Variants in EYS observed in about 807,000 individuals in gnomAD.
EYS encodes the protein EGF-like photoreceptor maintenance factor.
In EYS, 250 loss-of-function variants were observed where a neutral mutation model predicts 282.1. The observed-to-expected ratio is 0.89, with a 90% confidence interval of 0.80 to 0.98. The LOEUF (loss-of-function observed/expected upper bound fraction) is 0.98. Among genes scored for constraint, EYS ranks in the 50% least tolerant of loss-of-function variants. The pLI is 0.00. For missense variants in EYS, 4,016 were observed against 3,709.0 expected (o/e 1.08, Z -2.15); for synonymous variants, 1,355 against 1,282.9 (o/e 1.06, Z -1.20).
chr6:65,164,112 G>C (rs965304803), intron 12 of EYS, among the ~76,000 whole-genome samples: 6 of 151,410 alleles, frequency 4.0e-5, no homozygotes, highest in Admixed American at 3.3e-4. Context: ...ATAATTGTGA[G>C]TTGTTTTTAA....
At chr6:64,604,320 C>T (rs1766859030) in intron 24 of EYS, among the ~76,000 whole-genome samples, 1 of 151,988 alleles carries the variant, frequency 6.6e-6, no homozygotes, top group African/African-American at 2.4e-5. Flanking sequence ...AAAACATTTT[C>T]AAGTATGTCA....
chr6:65,350,641 T>C lies in EYS; in HGVS notation c.1459+2817A>G, dbSNP rs568195020. On this transcript the variant is annotated intron_variant, in intron 9 of 42. Transcript: ENST00000503581. ...CTTTTCTTAAGCATGATTCATATTG[T>C]CTTACTTCACTTCGCAACTCTTTAT... Among the ~76,000 whole-genome samples, 60 of 151,818 alleles carry C rather than the reference T, an allele frequency of 4.0e-4. No individual in the cohort carries two copies. The South Asian group carries it at 0.012, about 30-fold the overall frequency.
intron 40 of EYS, among the ~76,000 whole-genome samples, chr6:63,764,698 T>G (rs1769740282): frequency 6.6e-6 from 1 of 152,028 alleles, no homozygotes; most frequent in African/African-American, 2.4e-5. Context: ...GCTTGGATAT[T>G]AAAGTAGATA....
chr6:64,918,654 G>A (rs887219040), intron 15 of EYS, among the ~76,000 whole-genome samples: 1 of 152,262 alleles, frequency 6.6e-6, no homozygotes, highest in Admixed American at 6.5e-5. Context: ...GGACAGAGAA[G>A]ATTTGGATAA....
chr6:65,374,326 G>C (rs1166664406), intron 8 of EYS, among the ~76,000 whole-genome samples: 4 of 152,050 alleles, frequency 2.6e-5, no homozygotes, highest in East Asian at 1.9e-4. Flanking sequence ...GCTAAGGGAA[G>C]CCATGAGGGT....
chr6:63,974,000 A>C (rs1233973796), intron 35 of EYS, among the ~76,000 whole-genome samples: 1 of 152,168 alleles, frequency 6.6e-6, no homozygotes, highest in East Asian at 1.9e-4. Context: ...TTTACTACTC[A>C]ACCAAAAGGA....
intron 29 of EYS, among the ~76,000 whole-genome samples, chr6:64,331,771 C>A (rs1266490864): frequency 2.0e-5 from 3 of 152,166 alleles, no homozygotes; most frequent in Non-Finnish European, 4.4e-5. Flanking sequence ...GCCAACATGG[C>A]CCCCAGGGAT....
rs1020342047 is a variant in EYS, at chr6:65,594,770, T to G, written c.-333+45008A>C. ...ATGTCCTGAATGGTATTGCCTAGGT[T>G]TTCTTCTAGGGTTTTTATGGTTTTA... On this transcript the variant is annotated intron_variant, in intron 2 of 42. Transcript: ENST00000503581. Among the ~76,000 whole-genome samples the G allele has an allele frequency of 3.9e-5, 6 of 152,090 alleles. No individual in the cohort carries two copies. In the South Asian group the frequency reaches 1.2e-3, roughly 31 times the overall value.
intron 39 of EYS, among the ~76,000 whole-genome samples, chr6:63,786,810 G>A (rs1036114390): frequency 1.3e-5 from 2 of 152,018 alleles, no homozygotes; most frequent in Non-Finnish European, 2.9e-5. Context: ...TAGTTCTTGG[G>A]TAGGGTTCAG....
intron 16 of EYS, among the ~76,000 whole-genome samples, chr6:64,911,907 C>T (rs1768005872): frequency 6.6e-6 from 1 of 152,130 alleles, no homozygotes; most frequent in Non-Finnish European, 1.5e-5. Flanking sequence ...TGATATGACC[C>T]AGAAAGCCAG....
intron 30 of EYS, among the ~76,000 whole-genome samples, chr6:64,284,129 G>T (rs545088442): frequency 3.9e-5 from 6 of 152,194 alleles, no homozygotes; most frequent in African/African-American, 1.2e-4. Flanking sequence ...GTCCACAGTC[G>T]AAAGTCTCAT....
intron 28 of EYS, among the ~76,000 whole-genome samples, chr6:64,403,427 G>T (rs1246695624): frequency 7.9e-5 from 12 of 152,026 alleles, no homozygotes; most frequent in Admixed American, 5.9e-4. Context: ...TGCAATCTTG[G>T]CTCACTGCAA....
chr6:65,546,535 T>C (rs1768395276), intron 2 of EYS, among the ~76,000 whole-genome samples: 2 of 151,656 alleles, frequency 1.3e-5, no homozygotes, highest in South Asian at 2.1e-4. Context: ...CTAGACAACA[T>C]TCATTTGTAT....
chr6:64,313,034 G>T (rs1769785852), intron 29 of EYS, among the ~76,000 whole-genome samples: 1 of 152,224 alleles, frequency 6.6e-6, no homozygotes, highest in South Asian at 2.1e-4. Context: ...CAATGAGTTT[G>T]ATGAATTGGA....
At chr6:65,565,650 T>A (rs1243858478) in intron 2 of EYS, among the ~76,000 whole-genome samples, 1 of 152,162 alleles carries the variant, frequency 6.6e-6, no homozygotes, top group South Asian at 2.1e-4. Context: ...CATACACATG[T>A]ATGTTTATTG....
intron 12 of EYS, among the ~76,000 whole-genome samples, chr6:65,282,531 T>C (rs1768252630): frequency 6.6e-6 from 1 of 152,038 alleles, no homozygotes. Context: ...AAGTATGTTA[T>C]TGTGTGCAAT....
rs542102607 is a variant in EYS, at chr6:64,341,314, T to C, written c.6079-34232A>G. On this transcript the variant is annotated intron_variant, in intron 29 of 42. Coordinates refer to ENST00000503581, the MANE Select transcript of EYS (RefSeq NM_001142800.2). ...AATATGAGTGCCCATTAATGGTGGATTGGATAAATAAAATGCTGTACATAT... is the reference window on the plus strand; with the variant it reads ...AATATGAGTGCCCATTAATGGTGGACTGGATAAATAAAATGCTGTACATAT... 7.0e-4 allele frequency among the ~76,000 whole-genome samples: 107 copies of C among 151,788 alleles called. 3 individuals are homozygous for C. The South Asian group carries it at 0.02, about 29-fold the overall frequency.
At chr6:64,200,264 CATG>C (rs1765423475) in intron 31 of EYS, among the ~76,000 whole-genome samples, 1 of 152,080 alleles carries the variant, frequency 6.6e-6, no homozygotes. Flanking sequence ...GGACACGTGA[CATG>C]ATACATTTGC....
At chr6:65,093,342 T>C (rs1774629808) in intron 12 of EYS, among the ~76,000 whole-genome samples, 1 of 151,922 alleles carries the variant, frequency 6.6e-6, no homozygotes, top group African/African-American at 2.4e-5. Context: ...TAAAACTTAA[T>C]GAGTAAATGT....
Sources: allele counts gnomAD v4.1 joint callset (sites outside exome capture counted in the v4.1 genomes callset), GRCh38; gene constraint gnomAD v4.1.1; transcripts MANE v1.5; gene names NCBI Gene and HGNC (gene_info 2026-07-23, HGNC 2026-07-21).